CCSER1: variants seen among roughly 807,000 people sequenced by gnomAD.
The protein encoded by CCSER1 is serine-rich coiled-coil domain-containing protein 1.
In CCSER1, 41 loss-of-function variants were observed where a neutral mutation model predicts 82.0. The observed-to-expected ratio is 0.50, with a 90% CI of 0.39 to 0.65. The LOEUF (loss-of-function observed/expected upper bound fraction) is 0.65, where lower values mean the gene tolerates loss of function less well. CCSER1 is among the 30% of genes least tolerant of loss of function. The pLI, the probability that CCSER1 is intolerant of heterozygous loss-of-function variation, is 0.00. For synonymous variants in CCSER1, 414 were observed against 383.9 expected (o/e 1.08, Z -0.92); for missense variants, 1,119 against 1,064.2 (o/e 1.05, Z -0.72).
chr4:90,214,565 G>C (rs1320397544), intron 1 of CCSER1, among the ~76,000 whole-genome samples: 1 of 139,344 alleles, frequency 7.2e-6, no homozygotes, highest in Non-Finnish European at 1.6e-5. Flanking sequence ...CCATGCAGTT[G>C]CTAGGTCATT....
At chr4:90,747,741 C>T (rs902153451) in intron 7 of CCSER1, among the ~76,000 whole-genome samples, 23 of 150,262 alleles carry the variant, frequency 1.5e-4, no homozygotes, top group African/African-American at 5.2e-4. Flanking sequence ...CATGCTGGTG[C>T]GCTGCACCCA....
chr4:90,801,067 CAA>C (rs1384879259), intron 7 of CCSER1, among the ~76,000 whole-genome samples: 6 of 151,960 alleles, frequency 3.9e-5, no homozygotes, highest in East Asian at 1.9e-4. Context: ...AAAAATGAAA[CAA>C]AGAGGACACT....
chr4:90,743,935 G>A (rs1162489505), intron 7 of CCSER1, among the ~76,000 whole-genome samples: 1 of 152,064 alleles, frequency 6.6e-6, no homozygotes, highest in East Asian at 1.9e-4. Context: ...CCATGGGCCT[G>A]GTCACTTAGT....
chr4:90,900,013 G>T (rs1354995948), intron 8 of CCSER1, among the ~76,000 whole-genome samples: 1 of 150,552 alleles, frequency 6.6e-6, no homozygotes, highest in Non-Finnish European at 1.5e-5. Context: ...AATAATTTCA[G>T]TAAGATTGGT....
At chr4:91,580,371 T>C (rs1416917550) in intron 10 of CCSER1, among the ~76,000 whole-genome samples, 1 of 151,862 alleles carries the variant, frequency 6.6e-6, no homozygotes. Context: ...GCACATTCCA[T>C]ACAGTAGCTC....
At chr4:91,280,599 C>A (rs1239758552) in intron 10 of CCSER1, among the ~76,000 whole-genome samples, 4 of 152,196 alleles carry the variant, frequency 2.6e-5, no homozygotes, top group Non-Finnish European at 5.9e-5. Context: ...TACACTGTGG[C>A]TCTGCTGCTG....
rs571290705 is a variant in CCSER1 at position 91,386,243 on chromosome 4, T to A, written c.2218-212329T>A. Reference sequence around the variant, plus strand: ...TGTCAGATAATAAATGTTGAAAAAATTATAGGAGTTTATCAAAAGGTCACA... The same window carrying A: ...TGTCAGATAATAAATGTTGAAAAAAATATAGGAGTTTATCAAAAGGTCACA... On this transcript the variant is annotated intron_variant, in intron 10 of 10. Coordinates refer to ENST00000509176, the MANE Select transcript of CCSER1 (RefSeq NM_001145065.2). 4.6e-5 allele frequency among the ~76,000 whole-genome samples: 7 copies of A among 151,678 alleles called. No individual in the cohort carries two copies. The South Asian group carries it at 1.5e-3, about 32-fold the overall frequency.
chr4:90,964,952 A>G (rs1448533865), intron 9 of CCSER1, among the ~76,000 whole-genome samples: 1 of 151,936 alleles, frequency 6.6e-6, no homozygotes, highest in Non-Finnish European at 1.5e-5. Context: ...CCTTGCAACA[A>G]AGACATCTGT....
chr4:91,285,677 T>C (rs146734522), intron 10 of CCSER1, among the ~76,000 whole-genome samples: 27 of 152,004 alleles, frequency 1.8e-4, no homozygotes, highest in Middle Eastern at 3.4e-3. Context: ...TTCCTAAATA[T>C]GCTGACTTGG....
intron 6 of CCSER1, among the ~76,000 whole-genome samples, chr4:90,660,330 T>C (rs535694653): frequency 6.6e-5 from 10 of 152,118 alleles, no homozygotes; most frequent in African/African-American, 2.4e-4. Flanking sequence ...TATCTATGCA[T>C]CATGGAATAC....
At chr4:91,077,833 A>C (rs1013294747) in intron 9 of CCSER1, among the ~76,000 whole-genome samples, 4 of 152,208 alleles carry the variant, frequency 2.6e-5, no homozygotes, top group Non-Finnish European at 5.9e-5. Context: ...ATGGCCATGG[A>C]GCCTCACTAA....
intron 3 of CCSER1, among the ~76,000 whole-genome samples, chr4:90,386,961 G>C (rs1041854656): frequency 6.6e-6 from 1 of 151,896 alleles, no homozygotes; most frequent in Admixed American, 6.6e-5. Flanking sequence ...TTATATATTT[G>C]TTTATTGTCT....
rs188553881 is a variant in CCSER1, at chr4:91,258,243, A to G, written c.2217+172249A>G. Among the ~76,000 whole-genome samples, 72 of 152,266 alleles carry G rather than the reference A, an allele frequency of 4.7e-4. No individual in the cohort carries two copies. In the East Asian group the frequency reaches 0.01, roughly 22 times the overall value. ...TGAGAATCAAAGGTAGACTACACAC[A>G]AAATTTTAATGCACTAAAAATTACT... On this transcript the variant is annotated intron_variant, in intron 10 of 10. Transcript: ENST00000509176.
At chr4:90,235,338 T>C (rs140084174) in intron 1 of CCSER1, 3 of 152,308 alleles carry the variant, frequency 2.0e-5, no homozygotes, top group African/African-American at 4.8e-5. Flanking sequence ...TAGAAGACAA[T>C]TGGAGGTATG....
chr4:90,609,031 A>G (rs888752080), intron 5 of CCSER1, among the ~76,000 whole-genome samples: 9 of 152,062 alleles, frequency 5.9e-5, no homozygotes, highest in East Asian at 1.9e-4. Context: ...TCTTGCATCA[A>G]ATAGTACCGC....
chr4:90,554,296 C>T (rs1240969096), intron 5 of CCSER1, among the ~76,000 whole-genome samples: 5 of 152,054 alleles, frequency 3.3e-5, no homozygotes, highest in Non-Finnish European at 5.9e-5. Context: ...CCTAGGAGGT[C>T]GAAGCCTCAG....
chr4:90,510,704 C>T (rs76773201), intron 5 of CCSER1, among the ~76,000 whole-genome samples: 4,039 of 152,254 alleles, frequency 0.027, 186 homozygotes, highest in African/African-American at 0.092. Flanking sequence ...CCATGAGCAG[C>T]CATAAACACC....
At chr4:91,186,539 A>T (rs1734554621) in intron 10 of CCSER1, among the ~76,000 whole-genome samples, 1 of 152,020 alleles carries the variant, frequency 6.6e-6, no homozygotes, top group Non-Finnish European at 1.5e-5. Flanking sequence ...AGTCAGGGAG[A>T]CCCTAACTCA....
chr4:91,282,573 C>G (rs1261474386), intron 10 of CCSER1, among the ~76,000 whole-genome samples: 1 of 152,150 alleles, frequency 6.6e-6, no homozygotes, highest in Non-Finnish European at 1.5e-5. Context: ...CATAACCTCT[C>G]CCTAAATAGA....
Sources: gnomAD v4.1 joint callset for allele counts (sites outside exome capture counted in the v4.1 genomes callset) on GRCh38, gnomAD v4.1.1 for gene constraint, MANE v1.5 for transcripts, NCBI Gene and HGNC (gene_info 2026-07-23, HGNC 2026-07-21) for gene names.